Variants in DSCAML1 observed in about 807,000 individuals in gnomAD.
DSCAML1 encodes the protein cell adhesion molecule DSCAML1.
In DSCAML1, 38 loss-of-function variants were observed where a neutral mutation model predicts 200.5. The observed-to-expected ratio is 0.19, with a 90% CI of 0.15 to 0.25. The LOEUF is 0.25. Ranked by LOEUF, DSCAML1 falls within the 10% of genes least tolerant of loss-of-function variation. The pLI, the probability that DSCAML1 is intolerant of heterozygous loss-of-function variation, is 1.00. For synonymous variants in DSCAML1, 1,215 were observed against 1,165.0 expected (o/e 1.04, Z -0.87); for missense variants, 2,223 against 2,858.8 (o/e 0.78, Z 5.07).
chr11:117,434,343 C>G (rs559424077), intron 27 of DSCAML1, among the ~76,000 whole-genome samples: 5 of 152,312 alleles, frequency 3.3e-5, no homozygotes, highest in African/African-American at 9.6e-5. Context: ...GTAATCCATT[C>G]AACCATTCAC....
At chr11:117,630,194 C>T (rs2052140898) in intron 3 of DSCAML1, among the ~76,000 whole-genome samples, 1 of 124,882 alleles carries the variant, frequency 8.0e-6, no homozygotes, top group South Asian at 2.6e-4. Flanking sequence ...TCCAGTGCCC[C>T]TTCTTCTTCT....
At chr11:117,619,800 G>C (rs1591329307) in intron 3 of DSCAML1, among the ~76,000 whole-genome samples, 1 of 152,078 alleles carries the variant, frequency 6.6e-6, no homozygotes. Flanking sequence ...CAGGTCACAG[G>C]GCACCTTGTT....
In DSCAML1 at chr11:117,497,939, C is replaced by G. The variant is rs147031072; in HGVS notation, c.2359+5906G>C. On this transcript the variant is annotated intron_variant, in intron 11 of 32. Transcript: ENST00000651296. ...CAGAGAGTCCATCCCGTCCCCCACTCGCCCAATCAGGGGGACTCACAAGGG... is the reference window on the plus strand; with the variant it reads ...CAGAGAGTCCATCCCGTCCCCCACTGGCCCAATCAGGGGGACTCACAAGGG... 1.1e-4 allele frequency among the ~76,000 whole-genome samples: 17 copies of G among 152,354 alleles called. No homozygotes were observed. The South Asian group carries it at 1.9e-3, about 17-fold the overall frequency.
At chr11:117,521,062 C>T (rs1374206495) in intron 6 of DSCAML1, 68 bp downstream of exon 6, 4 of 1,571,342 alleles carry the variant, frequency 2.5e-6, no homozygotes, top group Non-Finnish European at 3.5e-6. Context: ...GCTCCCACCT[C>T]AGCAGAAGGG....
rs190526348 is a variant in DSCAML1, at chr11:117,465,698, G to A, written c.3025-516C>T. ...ACGCTTTGTTACTGTCGCACTCTCC[G>A]TGTCTAGAATGGTGCCTGGCATACT... On this transcript the variant is annotated intron_variant, in intron 16 of 32. Transcript: ENST00000651296. Among the ~76,000 whole-genome samples, 180 of 152,196 alleles carry A rather than the reference G, an allele frequency of 1.2e-3. 1 individual carries two copies. The highest frequency in any genetic ancestry group is 4.0e-3 in the African/African-American group (168 of 41,524).
intron 1 of DSCAML1, among the ~76,000 whole-genome samples, chr11:117,796,821 G>A (rs934278264): frequency 5.9e-5 from 9 of 152,182 alleles, no homozygotes; most frequent in Non-Finnish European, 1.2e-4. Context: ...GCCCCAAAAC[G>A]GCAGACGCGG....
In DSCAML1 at chr11:117,458,793, C is replaced by T. The variant is rs544850403; in HGVS notation, c.3529G>A (p.Val1177Ile). ...TGGATGTAGAGCACACTGCTGCGTA[C>T]GCCGTCCCCAGCCTGGGTGTAGGCC... is the stretch of plus-strand genomic sequence containing the variant. ...VLAYTQAGDG[V>I]RSSVLYIQTK... The change falls in exon 19 of 33, where the codon GTA becomes ATA. Residue 1177 changes from valine (V) to isoleucine (I), a missense_variant. Physicochemically the swap from Val to Ile is conservative, Grantham distance 29 (BLOSUM62 3). This residue lies in a region of DSCAML1 where 438 missense variants were observed against 629.7 expected (regional missense o/e 0.70). Transcript: ENST00000651296. 38 of 1,613,894 alleles carry T rather than the reference C, an allele frequency of 2.4e-5. No homozygotes were observed. The African/African-American group carries it at 2.5e-4, about 11-fold the overall frequency.
At chr11:117,695,471 G>A (rs962274113) in intron 3 of DSCAML1, among the ~76,000 whole-genome samples, 1 of 152,022 alleles carries the variant, frequency 6.6e-6, no homozygotes, top group Non-Finnish European at 1.5e-5. Flanking sequence ...ATCAGAGCAG[G>A]TAAGCTTGTC....
intron 21 of DSCAML1, among the ~76,000 whole-genome samples, chr11:117,440,422 C>T (rs1326359647): frequency 6.6e-6 from 1 of 152,148 alleles, no homozygotes; most frequent in East Asian, 1.9e-4. Flanking sequence ...GAAGGAGACA[C>T]ATGTCAAGAA....
At chr11:117,729,082 A>G (rs1191932247) in intron 3 of DSCAML1, among the ~76,000 whole-genome samples, 1 of 152,266 alleles carries the variant, frequency 6.6e-6, no homozygotes, top group African/African-American at 2.4e-5. Context: ...CATTTAGATT[A>G]ATGGAATAGA....
At chr11:117,643,144 G>A (rs562292067) in intron 3 of DSCAML1, among the ~76,000 whole-genome samples, 9 of 152,196 alleles carry the variant, frequency 5.9e-5, no homozygotes, top group Non-Finnish European at 1.3e-4. Flanking sequence ...TATGGGGCTA[G>A]TTTAAGATCC....
At chr11:117,645,075 G>A (rs1318560247) in intron 3 of DSCAML1, among the ~76,000 whole-genome samples, 1 of 152,224 alleles carries the variant, frequency 6.6e-6, no homozygotes, top group African/African-American at 2.4e-5. Flanking sequence ...GCAGGAACAC[G>A]GCTTGAGAGA....
At chr11:117,558,906 G>A (rs182975239) in intron 3 of DSCAML1, among the ~76,000 whole-genome samples, 19 of 152,258 alleles carry the variant, frequency 1.2e-4, no homozygotes, top group Non-Finnish European at 1.5e-5. Flanking sequence ...TTTTGGTCAG[G>A]GGTTAATTTT....
intron 30 of DSCAML1, 73 bp from the exon 31 acceptor site, chr11:117,431,801 G>T: frequency 7.0e-7 from 1 of 1,426,950 alleles, no homozygotes; most frequent in Non-Finnish European, 9.4e-7. Context: ...GCACTTACCA[G>T]AAAGGGCAGG....
intron 3 of DSCAML1, among the ~76,000 whole-genome samples, chr11:117,676,146 A>G (rs2053207865): frequency 6.7e-6 from 1 of 149,910 alleles, no homozygotes; most frequent in African/African-American, 2.5e-5. Flanking sequence ...AAATTGGCAG[A>G]AAAAAAATCA....
chr11:117,756,481 T>A (rs1210855169), intron 3 of DSCAML1, among the ~76,000 whole-genome samples: 3 of 152,162 alleles, frequency 2.0e-5, no homozygotes, highest in Admixed American at 6.5e-5. Context: ...ACGATGAGAA[T>A]ACAAATCTTC....
intron 3 of DSCAML1, among the ~76,000 whole-genome samples, chr11:117,758,690 A>C (rs2054742125): frequency 6.6e-6 from 1 of 152,096 alleles, no homozygotes. Flanking sequence ...GTGTGAGCCA[A>C]AGCGCCCGGC....
chr11:117,733,814 G>A (rs920727053), intron 3 of DSCAML1, among the ~76,000 whole-genome samples: 8 of 151,402 alleles, frequency 5.3e-5, no homozygotes, highest in Middle Eastern at 3.5e-3. Context: ...GTCTGGAGAA[G>A]TCATCTTCCT....
intron 3 of DSCAML1, among the ~76,000 whole-genome samples, chr11:117,597,348 G>C (rs181188063): frequency 1.3e-5 from 2 of 152,156 alleles, no homozygotes; most frequent in East Asian, 3.8e-4. Flanking sequence ...GAAGCAAACT[G>C]GGGGGCAGGT....
Sources: gnomAD v4.1 joint callset for allele counts (sites outside exome capture counted in the v4.1 genomes callset) on GRCh38, gnomAD v4.1.1 for gene constraint, gnomAD v4.1.1 regional missense constraint, MANE v1.5 for transcripts, NCBI Gene and HGNC (gene_info 2026-07-23, HGNC 2026-07-21) for gene names.